C5: variants seen among roughly 807,000 people sequenced by gnomAD.
The protein encoded by C5 is complement C5.
C5 carries 140 observed loss-of-function variants against 218.8 expected under a neutral mutation model. The observed-to-expected ratio is 0.64, with a 90% confidence interval of 0.56 to 0.74. The LOEUF is 0.74. C5 is among the 30% of genes least tolerant of loss of function. The pLI is 0.00. For missense variants in C5, 1,700 were observed against 1,969.6 expected (o/e 0.86, Z 2.59); for synonymous variants, 614 against 682.3 (o/e 0.90, Z 1.56).
intron 27 of C5, among the ~76,000 whole-genome samples, chr9:120,980,681 C>G (rs1002713275): frequency 1.3e-5 from 2 of 152,170 alleles, no homozygotes; most frequent in East Asian, 3.8e-4. Context: ...AGCTCCGCCT[C>G]CCAGGTTCAC....
chr9:121,020,139 G>T lies in C5; in HGVS notation c.1343C>A (p.Ala448Asp). 6.2e-7 allele frequency: 1 copy of T among 1,613,932 alleles called. No homozygotes were observed. The highest frequency in any genetic ancestry group is 8.5e-7 in the Non-Finnish European group (1 of 1,179,896). Reference protein sequence around the residue: ...DAPDLPEENQAREGYRAIAYS... With the variant: ...DAPDLPEENQDREGYRAIAYS... ...TGCTATTGCTCGGTAACCTTCCCTG[G>T]CCTGATTTTCTTCTGGAAGATCTGG... The change falls in exon 12 of 41, where the codon GCC (alanine) becomes GAC (aspartate). Residue 448 changes from alanine to aspartate, a missense_variant. Ala to Asp is a moderately radical substitution (Grantham distance 126). Transcript: ENST00000223642.
At chr9:121,057,808 A>T in the C5 span, among the ~76,000 whole-genome samples, 2 of 152,130 alleles carry the variant, frequency 1.3e-5, no homozygotes, top group African/African-American at 4.8e-5. Flanking sequence ...GTGTAAATGG[A>T]CTAGAATCCT....
intron 11 of C5, 53 bp from the exon 12 acceptor site, chr9:121,020,232 TA>T: frequency 8.2e-7 from 1 of 1,218,854 alleles, no homozygotes; most frequent in East Asian, 2.3e-5. Context: ...ATGCTTTCTG[TA>T]AAACATACCT....
chr9:120,997,501 T>C, intron 21 of C5, 46 bp downstream of exon 21: 1 of 1,382,208 alleles, frequency 7.2e-7, no homozygotes, highest in Non-Finnish European at 1.0e-6. Context: ...TGTGTCTCTC[T>C]TTTGCAATAA....
chr9:121,031,249 CTATT>C (rs1439867205), intron 6 of C5, among the ~76,000 whole-genome samples: 2 of 105,450 alleles, frequency 1.9e-5, no homozygotes, highest in East Asian at 4.4e-4. Context: ...AAAGATTAAA[CTATT>C]TACGTTACTT....
At position 120,975,318 on chromosome 9, in the gene C5, A is replaced by T. The variant is rs538846545; in HGVS notation, c.3865-387T>A. Among the ~76,000 whole-genome samples, 3 of 152,180 alleles carry T rather than the reference A, an allele frequency of 2.0e-5. No individual in the cohort carries two copies. In the South Asian group the frequency reaches 6.2e-4, roughly 32 times the overall value. On this transcript the variant is annotated intron_variant, in intron 29 of 40. Transcript: ENST00000223642. ...CCCTTTCCCGTTATTCTCTGTTTTA[A>T]GGTTCCCTTTTTGCCCTTTCTAGCA...
chr9:121,066,873 A>AC, the C5 span, among the ~76,000 whole-genome samples: 12 of 151,150 alleles, frequency 7.9e-5, no homozygotes, highest in Admixed American at 4.0e-4. Context: ...AAAAAAAAAA[A>AC]AAACAAAAAC....
chr9:121,007,004 A>G, intron 18 of C5, 27 bp from the exon 19 acceptor site: 1 of 1,505,056 alleles, frequency 6.6e-7, no homozygotes, highest in Non-Finnish European at 9.3e-7. Context: ...TGATATTCAA[A>G]TACAGTGGAA....
chr9:121,039,064 C>T (rs1458959797), intron 3 of C5, among the ~76,000 whole-genome samples: 1 of 152,122 alleles, frequency 6.6e-6, no homozygotes, highest in East Asian at 1.9e-4. Flanking sequence ...TTTAGTATGA[C>T]CCTGAGCAGG....
chr9:121,002,565 A>T (rs2047181729), intron 20 of C5, among the ~76,000 whole-genome samples: 1 of 151,868 alleles, frequency 6.6e-6, no homozygotes, highest in African/African-American at 2.4e-5. Flanking sequence ...AGCCAAGATC[A>T]GTGTGAGTTA....
chr9:121,021,342 T>C (rs1042413298), intron 11 of C5, among the ~76,000 whole-genome samples, 167 bp downstream of exon 11: 2 of 152,232 alleles, frequency 1.3e-5, no homozygotes, highest in Non-Finnish European at 2.9e-5. Flanking sequence ...GACCATTCAA[T>C]GGATTAGCAG....
chr9:121,015,353 C>T, intron 15 of C5, 92 bp from the exon 16 acceptor site: 1 of 790,770 alleles, frequency 1.3e-6, no homozygotes, highest in Non-Finnish European at 2.1e-6. Flanking sequence ...GTATTTAGAG[C>T]CTTCACAAGT....
chr9:121,043,793 C>A (rs1213092337), intron 2 of C5, among the ~76,000 whole-genome samples: 1 of 150,910 alleles, frequency 6.6e-6, no homozygotes, highest in African/African-American at 2.4e-5. Flanking sequence ...AGTGATCCAC[C>A]TGCCTCGGCT....
intron 39 of C5, among the ~76,000 whole-genome samples, chr9:120,956,098 C>T (rs1243069740): frequency 6.6e-6 from 1 of 152,016 alleles, no homozygotes; most frequent in East Asian, 1.9e-4. Flanking sequence ...GAGTTCAGGA[C>T]CAGCCTGGCC....
rs763943419 is a variant in C5 at position 121,050,221 on chromosome 9, A to T, written c.26T>A (p.Phe9Tyr). 1.9e-5 allele frequency: 31 copies of T among 1,613,878 alleles called. No homozygotes were observed. The highest frequency in any genetic ancestry group is 1.9e-5 in the Non-Finnish European group (22 of 1,179,878). MGLLGILC[F>Y]LIFLGKTWGQ... ...CCAGGTTTTCCCCAGGAAGATTAAA[A>T]AACAAAGTATTCCCAAAAGGCCCAT... The change falls in exon 1 of 41, where the codon TTT becomes TAT. Residue 9 changes from phenylalanine (F) to tyrosine (Y), a missense_variant. Phe to Tyr is a conservative substitution (Grantham distance 22). Transcript: ENST00000223642.
chr9:120,971,963 A>G lies in C5; in HGVS notation c.4047T>C (p.Ser1349=), dbSNP rs754991502. ...EVLLNDDLIV[S]TGFGSGLATV... is the part of the protein sequence containing the mutation. The stretch of plus-strand genomic sequence containing the variant: ...TAGCCAAGCCACTGCCAAATCCTGT[A>G]CTGACAATGAGGTCATCATTGAGAA... Residue 1349 remains serine, a synonymous_variant, in exon 31 of 41, where the codon AGT becomes AGC. Transcript: ENST00000223642. 1.9e-6 allele frequency: 3 copies of G among 1,613,442 alleles called. No homozygotes were observed. The highest frequency in any genetic ancestry group is 1.7e-5 in the Admixed American group (1 of 60,020).
chr9:120,969,383 G>A (rs2046893582), intron 32 of C5, among the ~76,000 whole-genome samples: 1 of 149,698 alleles, frequency 6.7e-6, no homozygotes, highest in African/African-American at 2.5e-5. Context: ...AGATAAATAT[G>A]TATTGGTAAT....
chr9:121,050,927 T>G (rs1372114885), upstream of C5, among the ~76,000 whole-genome samples: 1 of 152,104 alleles, frequency 6.6e-6, no homozygotes, highest in Non-Finnish European at 1.5e-5. Flanking sequence ...TCTCCAATAT[T>G]TATTAAGGCA....
At chr9:121,053,868 T>C (rs1468026652), upstream of C5, among the ~76,000 whole-genome samples, 5 of 152,044 alleles carry the variant, frequency 3.3e-5, no homozygotes, top group Admixed American at 6.6e-5. Flanking sequence ...CAGAGGAGAA[T>C]TCTGTGCTCC....
Sources: gnomAD v4.1 joint callset for allele counts (sites outside exome capture counted in the v4.1 genomes callset) on GRCh38, gnomAD v4.1.1 for gene constraint, MANE v1.5 for transcripts, NCBI Gene and HGNC (gene_info 2026-07-23, HGNC 2026-07-21) for gene names.